Variants in SENP1 observed in about 807,000 individuals in gnomAD.
SENP1 encodes sentrin-specific protease 1.
Under a neutral mutation model 93.0 loss-of-function variants are expected in SENP1, and 21 were observed. The observed-to-expected ratio is 0.23, with a 90% CI of 0.16 to 0.33. SENP1 has a LOEUF of 0.33. SENP1 is among the 10% of genes least tolerant of loss of function. The probability of loss-of-function intolerance (pLI) is 1.00; values close to 1 mark genes in which losing one functional copy is unlikely to be tolerated. For missense variants in SENP1, 591 were observed against 758.7 expected, an observed-to-expected ratio of 0.78 and a Z score of 2.60; for synonymous variants, 256 against 259.6, an observed-to-expected ratio of 0.99 and a Z score of 0.13.
intron 13 of SENP1, among the ~76,000 whole-genome samples, chr12:48,055,923 C>T (rs1272620024): frequency 1.5e-5 from 2 of 134,722 alleles, no homozygotes; most frequent in African/African-American, 5.6e-5. Context: ...ATATATTATA[C>T]ATTACTATAT....
At chr12:48,098,207 A>G in intron 2 of SENP1, 83 bp from the exon 3 acceptor site, 3 of 1,373,836 alleles carry the variant, frequency 2.2e-6, no homozygotes, top group Non-Finnish European at 2.0e-6. Flanking sequence ...CACCTAATAA[A>G]AACAATTCCC....
chr12:48,045,213 G>T lies in SENP1; in HGVS notation c.*109C>A. ...TCGCCAGGGCCTGGTCCAGGATCAA[G>T]GGTGTTACAACAGCAGAGGGCTGGG... On this transcript the variant is annotated 3_prime_UTR_variant, in exon 18 of 18. Transcript: ENST00000549518. The T allele has an allele frequency of 1.2e-6, 1 of 833,390 alleles. No homozygotes were observed. Among genetic ancestry groups the T allele is most frequent in the South Asian group, 1.5e-5 (1 of 68,766 alleles). 51.6% of individuals were successfully genotyped at this position (833,390 alleles called of 1,614,324 possible). A position where few individuals can be genotyped will look rare whatever the true frequency, so the allele number is the denominator to read the frequency against.
chr12:48,049,873 G>A (rs568097010), intron 13 of SENP1, among the ~76,000 whole-genome samples: 27 of 152,224 alleles, frequency 1.8e-4, no homozygotes, highest in African/African-American at 4.8e-4. Context: ...GAAGAATAAC[G>A]TTCTACCCCA....
At chr12:48,095,681 C>A (rs1269440148) in intron 4 of SENP1, among the ~76,000 whole-genome samples, 1 of 152,060 alleles carries the variant, frequency 6.6e-6, no homozygotes, top group Non-Finnish European at 1.5e-5. Flanking sequence ...AGTCCTACAG[C>A]CAAGAGGCTA....
Position 48,074,775 on chromosome 12 carries a change from TTTC to T in SENP1, c.568_570del (p.Glu190del). 6.2e-7 allele frequency: 1 copy of T among 1,610,454 alleles called. No individual in the cohort carries two copies. Among genetic ancestry groups the T allele is most frequent in the Non-Finnish European group, 8.5e-7 (1 of 1,177,906 alleles). ...TGTAGCAGCTGTCTGTAAATCTCTC[TTTC>T]TTCTTCTTGAACTGTCTATAAGAAA... On this transcript the variant is annotated inframe_deletion, in exon 7 of 18. Coordinates refer to ENST00000549518, the MANE Select transcript of SENP1 (RefSeq NM_001267594.2).
chr12:48,066,901 GA>G, intron 10 of SENP1, 25 bp downstream of exon 10: 4 of 1,512,416 alleles, frequency 2.6e-6, no homozygotes, highest in Non-Finnish European at 3.6e-6. Flanking sequence ...GATTGAGAAG[GA>G]AAAATGATAC....
rs761118719 is a variant in SENP1, at chr12:48,072,541, C to T, written c.941-820G>A. ...CTGAGGCAGCAGAATCGCTTGAACC[C>T]AGGACATGCGAGGTTGCAGTGAACC... On this transcript the variant is annotated intron_variant, in intron 8 of 17. Transcript: ENST00000549518. Among the ~76,000 whole-genome samples, 5 of 152,138 alleles carry T rather than the reference C, an allele frequency of 3.3e-5. 1 individual carries two copies. The highest frequency in any genetic ancestry group is 4.8e-5 in the African/African-American group (2 of 41,414).
At chr12:48,074,978 G>A (rs1943964401) in intron 6 of SENP1, among the ~76,000 whole-genome samples, 185 bp from the exon 7 acceptor site, 1 of 152,006 alleles carries the variant, frequency 6.6e-6, no homozygotes, top group Admixed American at 6.6e-5. Flanking sequence ...AGGACAAGCG[G>A]GGAGGATCAT....
At chr12:48,082,080 A>C (rs1041387108) in intron 6 of SENP1, among the ~76,000 whole-genome samples, 1 of 151,784 alleles carries the variant, frequency 6.6e-6, no homozygotes, top group Non-Finnish European at 1.5e-5. Flanking sequence ...TAGTAGAGAC[A>C]GGGTTTCACT....
chr12:48,044,429 T>C lies in SENP1; in HGVS notation c.*893A>G, dbSNP rs1014062510. ...ATGAAATTCTCTGTGGTTAGAAACA[T>C]ATTTAAACTAGCCACAGACCAAACT... On this transcript the variant is annotated 3_prime_UTR_variant, in exon 18 of 18. Transcript: ENST00000549518. The C allele has an allele frequency of 6.6e-6, 1 of 151,218 alleles. No homozygotes were observed. Among genetic ancestry groups the C allele is most frequent in the African/African-American group, 2.4e-5 (1 of 41,182 alleles). The allele number at this position is 151,218 out of a possible 1,614,324, so 9.4% of individuals were successfully genotyped here.
At chr12:48,074,893 A>G (rs1943958023) in intron 6 of SENP1, 100 bp from the exon 7 acceptor site, 1 of 760,662 alleles carries the variant, frequency 1.3e-6, no homozygotes, top group South Asian at 1.7e-5. Flanking sequence ...GCCAAAGCTC[A>G]GGCAGAATCC....
chr12:48,078,171 G>A (rs1944231302), intron 6 of SENP1, among the ~76,000 whole-genome samples: 1 of 151,232 alleles, frequency 6.6e-6, no homozygotes. Flanking sequence ...TGTAGCTATT[G>A]TAAATGGGAT....
intron 6 of SENP1, among the ~76,000 whole-genome samples, chr12:48,075,852 A>T (rs982166780): frequency 1.9e-5 from 2 of 106,154 alleles, no homozygotes; most frequent in African/African-American, 2.8e-5. Context: ...AGATTTCTCT[A>T]AAAAAAAGTG....
chr12:48,065,112 CT>C lies in SENP1; in HGVS notation c.1227del (p.Gly410ValfsTer4), dbSNP rs750651342. 2.7e-5 allele frequency: 44 copies of C among 1,605,138 alleles called. No homozygotes were observed. Among genetic ancestry groups the C allele is most frequent in the Non-Finnish European group, 3.3e-5 (39 of 1,172,580 alleles). On this transcript the variant is annotated frameshift_variant, in exon 12 of 18. Coordinates refer to ENST00000549518, the MANE Select transcript of SENP1 (RefSeq NM_001267594.2). LOFTEE classifies it high-confidence loss of function. ...PVTVVQETQKKGHKLTDSEDE... is the reference protein window; with the variant it reads ...PVTVVQETQKXGHKLTDSEDE... Reference sequence around the variant, plus strand: ...TCTTCACTATCAGTTAATTTATGACCTTTTTTTTGTGTTTCTTGGACAACAG... The same window carrying C: ...TCTTCACTATCAGTTAATTTATGACCTTTTTTTGTGTTTCTTGGACAACAG...
Position 48,074,339 on chromosome 12 carries a change from T to C in SENP1, c.925A>G (p.Asn309Asp), listed in dbSNP as rs757825981. Residue 309 changes from asparagine (N) to aspartate (D), a missense_variant, in exon 8 of 18, where the codon AAT becomes GAT. Transcript: ENST00000549518. Reference sequence around the variant, plus strand: ...CCATGTTTACCTTCAGATTGTGTATTTGAAGCTGCTAAGTTATCTGGCTGA... The same window carrying C: ...CCATGTTTACCTTCAGATTGTGTATCTGAAGCTGCTAAGTTATCTGGCTGA... Reference protein sequence around the residue: ...PHQPDNLAASNTQSEGSDSVI... With the variant: ...PHQPDNLAASDTQSEGSDSVI... 19 of 1,612,028 alleles carry C rather than the reference T, an allele frequency of 1.2e-5. No individual in the cohort carries two copies. The South Asian group carries it at 1.9e-4, about 16-fold the overall frequency.
intron 12 of SENP1, among the ~76,000 whole-genome samples, chr12:48,064,642 C>A (rs1195270920): frequency 6.6e-6 from 1 of 152,008 alleles, no homozygotes; most frequent in Non-Finnish European, 1.5e-5. Context: ...CTGAAATATA[C>A]AAGAAAATTT....
At chr12:48,101,422 TAACC>T in intron 2 of SENP1, 43 bp downstream of exon 2, 1 of 1,507,938 alleles carries the variant, frequency 6.6e-7, no homozygotes, top group Non-Finnish European at 9.1e-7. Context: ...CACTACAGCT[TAACC>T]AATGAAAGTA....
chr12:48,056,288 T>C (rs1444017812), intron 13 of SENP1, among the ~76,000 whole-genome samples: 4 of 116,380 alleles, frequency 3.4e-5, no homozygotes, highest in Non-Finnish European at 4.8e-5. Context: ...ATATTACATA[T>C]ATAAAATATT....
At chr12:48,068,408 G>A (rs535756829) in intron 9 of SENP1, among the ~76,000 whole-genome samples, 1 of 152,156 alleles carries the variant, frequency 6.6e-6, no homozygotes, top group South Asian at 2.1e-4. Flanking sequence ...TATTAGTTAA[G>A]CCTAATGAAA....
Sources: gnomAD v4.1 joint callset for allele counts (sites outside exome capture counted in the v4.1 genomes callset) on GRCh38, gnomAD v4.1.1 for gene constraint, MANE v1.5 for transcripts, NCBI Gene and HGNC (gene_info 2026-07-23, HGNC 2026-07-21) for gene names.